The following RIC1 variants were observed in gnomAD, a reference collection of about 807,000 sequenced individuals.
The protein encoded by RIC1 is guanine nucleotide exchange factor subunit RIC1.
In RIC1, 88 loss-of-function variants were observed where a neutral mutation model predicts 169.0. The ratio of observed to expected loss-of-function variants is 0.52; its 90% confidence interval spans 0.44 to 0.62. RIC1 has a LOEUF of 0.62. Ranked by LOEUF, RIC1 falls within the 20% of genes least tolerant of loss-of-function variation. RIC1 has a pLI of 0.00. For synonymous variants in RIC1, 790 were observed against 601.5 expected (o/e 1.31, Z -4.59); for missense variants, 1,877 against 1,725.5 (o/e 1.09, Z -1.56).
chr9:5,652,679 T>C (rs1346840978), intron 1 of RIC1, among the ~76,000 whole-genome samples: 1 of 134,310 alleles, frequency 7.4e-6, no homozygotes, highest in Non-Finnish European at 1.7e-5. Flanking sequence ...CCAATTAATT[T>C]GGATACTTTT....
intron 4 of RIC1, 102 bp downstream of exon 4, chr9:5,714,105 C>A (rs1026072912): frequency 3.0e-6 from 2 of 661,544 alleles, no homozygotes; most frequent in Admixed American, 2.7e-5. Context: ...TCTTTTAATT[C>A]AAGATAACTT....
intron 2 of RIC1, among the ~76,000 whole-genome samples, chr9:5,659,306 T>C (rs1167558958): frequency 6.6e-6 from 1 of 152,172 alleles, no homozygotes; most frequent in Admixed American, 6.6e-5. Flanking sequence ...TGTGGCTTTG[T>C]AGTAACTTTT....
intron 1 of RIC1, among the ~76,000 whole-genome samples, chr9:5,650,582 C>T (rs895079404): frequency 1.3e-5 from 2 of 151,972 alleles, no homozygotes; most frequent in African/African-American, 4.8e-5. Flanking sequence ...GTATGCTTTG[C>T]TCCAAGCAGT....
chr9:5,743,159 AC>A, intron 9 of RIC1, 146 bp downstream of exon 9: 2 of 677,006 alleles, frequency 3.0e-6, no homozygotes, highest in East Asian at 5.5e-5. Context: ...GTTCGAATAT[AC>A]TGATTCTCTG....
chr9:5,671,975 G>A (rs892015902), intron 2 of RIC1, among the ~76,000 whole-genome samples: 1 of 152,180 alleles, frequency 6.6e-6, no homozygotes, highest in African/African-American at 2.4e-5. Context: ...GACATTAGCA[G>A]GGCTTCCCAT....
intron 1 of RIC1, 148 bp downstream of exon 1, chr9:5,629,601 T>C (rs1331983593): frequency 5.3e-6 from 5 of 945,808 alleles, no homozygotes; most frequent in Non-Finnish European, 7.3e-6. Context: ...TTCCACCGAA[T>C]TGGCCGCAGG....
intron 12 of RIC1, chr9:5,748,850 T>C (rs900365497): frequency 3.3e-5 from 5 of 152,312 alleles, no homozygotes; most frequent in African/African-American, 1.2e-4. Context: ...ACACTGATTT[T>C]AGGACTTTGG....
intron 4 of RIC1, among the ~76,000 whole-genome samples, chr9:5,714,799 G>T (rs954644064): frequency 6.6e-6 from 1 of 152,156 alleles, no homozygotes; most frequent in Non-Finnish European, 1.5e-5. Context: ...AGAAACTGGG[G>T]ATGAGAACTG....
At chr9:5,752,121 A>G (rs1188399570) in intron 12 of RIC1, among the ~76,000 whole-genome samples, 1 of 152,210 alleles carries the variant, frequency 6.6e-6, no homozygotes, top group Non-Finnish European at 1.5e-5. Flanking sequence ...ATCTACATTG[A>G]TATCCCATGT....
chr9:5,685,497 A>G (rs926484315), intron 2 of RIC1, among the ~76,000 whole-genome samples: 1 of 149,438 alleles, frequency 6.7e-6, no homozygotes, highest in Admixed American at 6.7e-5. Context: ...CTGATCTTTG[A>G]CAAACCTGAG....
chr9:5,671,346 C>G (rs1420985787), intron 2 of RIC1, among the ~76,000 whole-genome samples: 2 of 151,462 alleles, frequency 1.3e-5, no homozygotes, highest in African/African-American at 4.9e-5. Flanking sequence ...GCAATCTCTG[C>G]TCACTGCAAC....
At chr9:5,709,972 T>G (rs1193874754) in intron 3 of RIC1, among the ~76,000 whole-genome samples, 1 of 152,140 alleles carries the variant, frequency 6.6e-6, no homozygotes, top group Non-Finnish European at 1.5e-5. Context: ...GTAATGTGGT[T>G]TCAATTCTTT....
At chr9:5,704,082 G>A (rs1355094916) in intron 3 of RIC1, among the ~76,000 whole-genome samples, 1 of 151,774 alleles carries the variant, frequency 6.6e-6, no homozygotes, top group African/African-American at 2.4e-5. Context: ...CAATGAATGT[G>A]AAATAGTATC....
chr9:5,762,400 G>T, intron 17 of RIC1, 141 bp from the exon 18 acceptor site: 2 of 1,002,072 alleles, frequency 2.0e-6, no homozygotes, highest in Non-Finnish European at 2.9e-6. Flanking sequence ...TTCCCACAGA[G>T]CCTAGCAGAA....
intron 1 of RIC1, among the ~76,000 whole-genome samples, chr9:5,640,555 C>T (rs552806750): frequency 6.6e-6 from 1 of 152,242 alleles, no homozygotes; most frequent in South Asian, 2.1e-4. Flanking sequence ...TACAATAACA[C>T]TTATAAAATA....
intron 17 of RIC1, among the ~76,000 whole-genome samples, chr9:5,761,612 C>T (rs1046004180): frequency 6.6e-6 from 1 of 152,196 alleles, no homozygotes; most frequent in Non-Finnish European, 1.5e-5. Context: ...ATAACTTCAA[C>T]TTCTCTAGCA....
chr9:5,673,019 A>G (rs909674951), intron 2 of RIC1, among the ~76,000 whole-genome samples: 2 of 152,182 alleles, frequency 1.3e-5, no homozygotes, highest in African/African-American at 4.8e-5. Flanking sequence ...TAATAAGGGA[A>G]TGCCTTGGTA....
chr9:5,726,297 G>A (rs911255685), intron 6 of RIC1, among the ~76,000 whole-genome samples: 1 of 152,046 alleles, frequency 6.6e-6, no homozygotes, highest in Non-Finnish European at 1.5e-5. Context: ...GATCCCTTTA[G>A]CATTATGCAA....
In RIC1 at chr9:5,671,258, T is replaced by C. The variant is rs568059227; in HGVS notation, c.252+14568T>C. On this transcript the variant is annotated intron_variant, in intron 2 of 25. Coordinates refer to ENST00000414202, the MANE Select transcript of RIC1 (RefSeq NM_020829.4). ...AGATGGCTCTCTGTATTATTTATTT[T>C]ATTATTATTATTATTATTTTTTTTT... Among the ~76,000 whole-genome samples the C allele has an allele frequency of 1.2e-4, 18 of 148,530 alleles. No individual in the cohort carries two copies. In the South Asian group the frequency reaches 3.6e-3, roughly 29 times the overall value.
Sources: gnomAD v4.1 joint callset for allele counts (sites outside exome capture counted in the v4.1 genomes callset) on GRCh38, gnomAD v4.1.1 for gene constraint, MANE v1.5 for transcripts, NCBI Gene and HGNC (gene_info 2026-07-23, HGNC 2026-07-21) for gene names.